RSBN1L: variants seen among roughly 807,000 people sequenced by gnomAD.
RSBN1L encodes the protein lysine-specific demethylase RSBN1L.
In RSBN1L, 30 loss-of-function variants were observed where a neutral mutation model predicts 67.7. The observed-to-expected ratio is 0.44, with a 90% CI of 0.33 to 0.60. The LOEUF (loss-of-function observed/expected upper bound fraction) is 0.60. Ranked by LOEUF, RSBN1L falls within the 20% of genes least tolerant of loss-of-function variation. The pLI is 0.02. For synonymous variants in RSBN1L, 433 were observed against 387.0 expected (o/e 1.12, Z -1.39); for missense variants, 992 against 1,031.7 (o/e 0.96, Z 0.53).
chr7:77,763,038 T>C (rs1047757659), intron 3 of RSBN1L, among the ~76,000 whole-genome samples: 1 of 152,182 alleles, frequency 6.6e-6, no homozygotes, highest in African/African-American at 2.4e-5. Context: ...AAGGACTTGA[T>C]TATGGCTTTG....
rs1356437088 is a variant in RSBN1L, at chr7:77,782,327, T to C, written c.*3159T>C. 6.6e-6 allele frequency: 1 copy of C among 152,218 alleles called. No homozygotes were observed. Among genetic ancestry groups the C allele is most frequent in the Non-Finnish European group, 1.5e-5 (1 of 68,040 alleles). The allele number at this position is 152,218 out of a possible 1,614,324, so 9.4% of individuals were successfully genotyped here. ...TATACTATATAGAATAAAGAATTGTTATGTAAATTATTAAATGAGTATACA... is the reference window on the plus strand; with the variant it reads ...TATACTATATAGAATAAAGAATTGTCATGTAAATTATTAAATGAGTATACA... On this transcript the variant is annotated 3_prime_UTR_variant, in exon 8 of 8. Transcript: ENST00000334955.
intron 1 of RSBN1L, among the ~76,000 whole-genome samples, chr7:77,699,638 GA>G (rs1484310148): frequency 6.6e-6 from 1 of 152,140 alleles, no homozygotes; most frequent in Non-Finnish European, 1.5e-5. Context: ...AGAGAATTAT[GA>G]AAGTATACTA....
intron 4 of RSBN1L, among the ~76,000 whole-genome samples, chr7:77,765,966 T>TA: frequency 6.6e-6 from 1 of 152,144 alleles, no homozygotes; most frequent in East Asian, 1.9e-4. Flanking sequence ...AACTAAGTAC[T>TA]AAAGGACTTA....
In RSBN1L at chr7:77,779,339, A is replaced by T; in HGVS notation, c.*171A>T. 5 of 546,790 alleles carry T rather than the reference A, an allele frequency of 9.1e-6. No individual in the cohort carries two copies. The Middle Eastern group carries it at 2.0e-3, about 214-fold the overall frequency. 33.9% of individuals were successfully genotyped at this position (546,790 alleles called of 1,614,324 possible). A position where few individuals can be genotyped will look rare whatever the true frequency, so the allele number is the denominator to read the frequency against. ...CATAACTGTGAAGTATTAAGCACTTAGGGCCAGATGCACTGTAAACATTGC... is the reference window on the plus strand; with the variant it reads ...CATAACTGTGAAGTATTAAGCACTTTGGGCCAGATGCACTGTAAACATTGC... On this transcript the variant is annotated 3_prime_UTR_variant, in exon 8 of 8. Transcript: ENST00000334955.
At chr7:77,726,820 GC>G (rs1455299771) in intron 1 of RSBN1L, among the ~76,000 whole-genome samples, 2 of 119,996 alleles carry the variant, frequency 1.7e-5, no homozygotes, top group Non-Finnish European at 3.3e-5. Context: ...CGCTCTTGTT[GC>G]CCAGGCTGGA....
At chr7:77,748,913 GTC>G (rs1015544385) in intron 2 of RSBN1L, among the ~76,000 whole-genome samples, 1 of 135,128 alleles carries the variant, frequency 7.4e-6, no homozygotes, top group Non-Finnish European at 1.6e-5. Flanking sequence ...CTGTCTGTCT[GTC>G]TCTCTCTTTC....
chr7:77,706,066 C>T (rs1291992939), intron 1 of RSBN1L, among the ~76,000 whole-genome samples: 1 of 150,016 alleles, frequency 6.7e-6, no homozygotes, highest in East Asian at 2.0e-4. Context: ...GCCCGCCTAA[C>T]TTTTTTATTT....
At chr7:77,712,224 T>A (rs1790984668) in intron 1 of RSBN1L, among the ~76,000 whole-genome samples, 1 of 151,270 alleles carries the variant, frequency 6.6e-6, no homozygotes, top group African/African-American at 2.4e-5. Flanking sequence ...AGTATATACA[T>A]GTATATAATT....
chr7:77,770,322 C>T (rs2150433274), intron 5 of RSBN1L, among the ~76,000 whole-genome samples: 1 of 152,104 alleles, frequency 6.6e-6, no homozygotes, highest in East Asian at 1.9e-4. Flanking sequence ...TTGCAGTGAA[C>T]CCAGATCGCT....
At chr7:77,710,083 T>A (rs1228686940) in intron 1 of RSBN1L, among the ~76,000 whole-genome samples, 2 of 152,196 alleles carry the variant, frequency 1.3e-5, no homozygotes, top group Non-Finnish European at 2.9e-5. Context: ...CCACTTTTGC[T>A]CTGTCTTTTC....
chr7:77,731,328 A>G (rs1360576378), intron 1 of RSBN1L, among the ~76,000 whole-genome samples: 2 of 150,932 alleles, frequency 1.3e-5, no homozygotes, highest in Non-Finnish European at 3.0e-5. Context: ...ATCCATCTCA[A>G]CCTCTCACCT....
intron 6 of RSBN1L, among the ~76,000 whole-genome samples, chr7:77,778,119 A>G (rs1450642198): frequency 6.6e-6 from 1 of 152,226 alleles, no homozygotes; most frequent in African/African-American, 2.4e-5. Flanking sequence ...AAATGTTTAT[A>G]TAAAAACGAA....
chr7:77,697,813 C>G (rs750051968), intron 1 of RSBN1L, among the ~76,000 whole-genome samples: 5 of 152,168 alleles, frequency 3.3e-5, no homozygotes, highest in Admixed American at 6.5e-5. Flanking sequence ...AAGGCGAATT[C>G]TTAAGGGTTC....
rs1322259586 is a variant in RSBN1L at position 77,778,769 on chromosome 7, C to T, written c.2142C>T (p.Ser714=). The T allele has an allele frequency of 6.2e-7, 1 of 1,614,140 alleles. No individual in the cohort carries two copies. Residue 714 remains serine (S), a synonymous_variant, in exon 8 of 8, where the codon TCC becomes TCT. Transcript: ENST00000334955. ...ATHETGTSSD[S]TSSVLGPHTD... ...ATGAAACAGGCACATCATCAGATTC[C>T]ACATCATCTGTTCTTGGACCTCACA...
intron 3 of RSBN1L, among the ~76,000 whole-genome samples, chr7:77,759,035 A>T (rs1791661364): frequency 1.3e-5 from 2 of 152,218 alleles, no homozygotes; most frequent in East Asian, 3.8e-4. Flanking sequence ...GTGTTAACTG[A>T]TGATTAAAAG....
rs368476238 is a variant in RSBN1L at position 77,709,299 on chromosome 7, T to G, written c.586+12244T>G. Among the ~76,000 whole-genome samples, 33 of 151,110 alleles carry G rather than the reference T, an allele frequency of 2.2e-4. No individual in the cohort carries two copies. In the East Asian group the frequency reaches 5.5e-3, roughly 25 times the overall value. On this transcript the variant is annotated intron_variant, in intron 1 of 7. Transcript: ENST00000334955. ...TAGCAGTAGTTATTTTTTTCTTTTC[T>G]TTTTTTTTGAGACAGAGTCTTCCTG...
chr7:77,778,007 A>G (rs1404620494), intron 6 of RSBN1L, among the ~76,000 whole-genome samples: 6 of 152,172 alleles, frequency 3.9e-5, no homozygotes, highest in African/African-American at 1.2e-4. Context: ...TAGCACTTAA[A>G]TTTATGAAGC....
At chr7:77,744,657 A>T (rs184764932) in intron 2 of RSBN1L, among the ~76,000 whole-genome samples, 2 of 151,644 alleles carry the variant, frequency 1.3e-5, no homozygotes, top group African/African-American at 4.8e-5. Flanking sequence ...ACCTCAGGTG[A>T]TTCACCTGCC....
intron 1 of RSBN1L, among the ~76,000 whole-genome samples, chr7:77,723,385 C>T (rs1039059728): frequency 6.6e-6 from 1 of 152,066 alleles, no homozygotes; most frequent in Non-Finnish European, 1.5e-5. Flanking sequence ...AAAAGTATAG[C>T]TTCTTTTTCT....
Sources: gnomAD v4.1 joint callset for allele counts (sites outside exome capture counted in the v4.1 genomes callset) on GRCh38, gnomAD v4.1.1 for gene constraint, MANE v1.5 for transcripts, NCBI Gene and HGNC (gene_info 2026-07-23, HGNC 2026-07-21) for gene names.